The following VPS13B variants were observed in gnomAD, a reference collection of about 807,000 sequenced individuals.
VPS13B encodes intermembrane lipid transfer protein VPS13B.
VPS13B carries 285 observed loss-of-function variants against 426.4 expected under a neutral mutation model. The observed-to-expected ratio is 0.67, with a 90% CI of 0.61 to 0.74. The LOEUF (loss-of-function observed/expected upper bound fraction) is 0.74. Among genes scored for constraint, VPS13B ranks in the 30% least tolerant of loss-of-function variants. VPS13B has a pLI of 0.00. For synonymous variants in VPS13B, 1,676 were observed against 1,676.4 expected (o/e 1.00, Z 0.01); for missense variants, 4,537 against 4,782.6 (o/e 0.95, Z 1.51).
chr8:99,411,786 C>T (rs1374632524), intron 21 of VPS13B, among the ~76,000 whole-genome samples: 3 of 152,122 alleles, frequency 2.0e-5, no homozygotes, highest in South Asian at 2.1e-4. Context: ...TATGGCTAGC[C>T]AGTTTTCCCA....
At chr8:99,430,024 CT>C (rs1390218768) in intron 21 of VPS13B, among the ~76,000 whole-genome samples, 3 of 152,256 alleles carry the variant, frequency 2.0e-5, no homozygotes, top group Admixed American at 6.6e-5. Flanking sequence ...ATACCTTTAA[CT>C]TCAGACATTC....
chr8:99,128,718 A>T (rs1809583269), intron 8 of VPS13B, among the ~76,000 whole-genome samples: 1 of 144,356 alleles, frequency 6.9e-6, no homozygotes, highest in Non-Finnish European at 1.6e-5. Context: ...AACTTGTTAC[A>T]TTGTGGGGTT....
chr8:99,068,357 G>C (rs540656543), intron 3 of VPS13B, among the ~76,000 whole-genome samples: 4 of 152,292 alleles, frequency 2.6e-5, no homozygotes, highest in African/African-American at 4.8e-5. Context: ...GCATTTATAA[G>C]TTGTGTAGTT....
At chr8:99,147,371 C>CA (rs1810794817) in intron 13 of VPS13B, among the ~76,000 whole-genome samples, 1 of 152,134 alleles carries the variant, frequency 6.6e-6, no homozygotes, top group Non-Finnish European at 1.5e-5. Context: ...CTCAGCCTCC[C>CA]AAAGTGCTGG....
In VPS13B at chr8:99,756,281, T is replaced by A. The variant is rs982796934; in HGVS notation, c.7051-10493T>A. On this transcript the variant is annotated intron_variant, in intron 39 of 61. Transcript: ENST00000357162. ...AAGAATGAATCAGTGAGCTTGAAGTTAGGTTGTTTTGAGATTATTGAGTCT... is the reference window on the plus strand; with the variant it reads ...AAGAATGAATCAGTGAGCTTGAAGTAAGGTTGTTTTGAGATTATTGAGTCT... Among the ~76,000 whole-genome samples the A allele has an allele frequency of 7.2e-5, 11 of 152,310 alleles. No individual in the cohort carries two copies. In the East Asian group the frequency reaches 7.7e-4, roughly 11 times the overall value.
At chr8:99,506,589 G>A (rs1821510950) in intron 27 of VPS13B, among the ~76,000 whole-genome samples, 1 of 152,230 alleles carries the variant, frequency 6.6e-6, no homozygotes, top group African/African-American at 2.4e-5. Context: ...CTGGCATGGT[G>A]GCTCACACCT....
chr8:99,292,691 T>C (rs906428088), intron 19 of VPS13B, among the ~76,000 whole-genome samples: 6 of 152,122 alleles, frequency 3.9e-5, no homozygotes, highest in Non-Finnish European at 5.9e-5. Flanking sequence ...TAGCAAATAA[T>C]TTAGATATCA....
At chr8:99,856,187 A>G (rs1816535842) in intron 56 of VPS13B, among the ~76,000 whole-genome samples, 1 of 152,248 alleles carries the variant, frequency 6.6e-6, no homozygotes, top group Non-Finnish European at 1.5e-5. Flanking sequence ...TGAATTTTAT[A>G]GAATTCACCC....
chr8:99,699,480 A>T (rs1159393035), intron 35 of VPS13B, 45 bp from the exon 36 acceptor site: 1 of 1,599,166 alleles, frequency 6.3e-7, no homozygotes, highest in Non-Finnish European at 8.5e-7. Context: ...GCTTGTATTC[A>T]GTAAGAAAGC....
At chr8:99,471,360 A>G (rs1363782784) in intron 24 of VPS13B, among the ~76,000 whole-genome samples, 3 of 152,138 alleles carry the variant, frequency 2.0e-5, no homozygotes, top group Non-Finnish European at 4.4e-5. Flanking sequence ...CAACTATAGC[A>G]TTAAGGCTAG....
intron 14 of VPS13B, among the ~76,000 whole-genome samples, chr8:99,150,442 A>G (rs1811008177): frequency 6.6e-6 from 1 of 152,170 alleles, no homozygotes; most frequent in African/African-American, 2.4e-5. Flanking sequence ...TTGGTGTTTT[A>G]TGTTCTATGA....
At chr8:99,501,978 C>CT (rs1821272303) in intron 26 of VPS13B, 120 bp downstream of exon 26, 1 of 1,132,918 alleles carries the variant, frequency 8.8e-7, no homozygotes, top group Non-Finnish European at 1.2e-6. Context: ...TCTGTCTTTC[C>CT]GTCTGTCTGT....
chr8:99,846,436 C>T (rs1394062285), intron 54 of VPS13B, among the ~76,000 whole-genome samples: 1 of 152,202 alleles, frequency 6.6e-6, no homozygotes, highest in African/African-American at 2.4e-5. Flanking sequence ...ATTGTTCAAA[C>T]CATTAGACCA....
At chr8:99,198,150 A>T (rs1433436345) in intron 17 of VPS13B, among the ~76,000 whole-genome samples, 1 of 152,064 alleles carries the variant, frequency 6.6e-6, no homozygotes, top group Non-Finnish European at 1.5e-5. Context: ...TTTTATATGG[A>T]TTTACTATTC....
At chr8:99,824,892 G>A (rs1161121533) in intron 51 of VPS13B, among the ~76,000 whole-genome samples, 1 of 152,102 alleles carries the variant, frequency 6.6e-6, no homozygotes, top group Non-Finnish European at 1.5e-5. Context: ...CCATGTCCCT[G>A]AAAAGGACAT....
chr8:99,490,806 G>A (rs1012833344), intron 25 of VPS13B, among the ~76,000 whole-genome samples: 1 of 151,674 alleles, frequency 6.6e-6, no homozygotes, highest in African/African-American at 2.4e-5. Flanking sequence ...TTCTTTATTA[G>A]TCTTGCTAGT....
intron 41 of VPS13B, 102 bp downstream of exon 41, chr8:99,777,058 C>A (rs1811776830): frequency 6.9e-7 from 1 of 1,443,076 alleles, no homozygotes; most frequent in Non-Finnish European, 9.7e-7. Flanking sequence ...AATGTATTTT[C>A]AGGAAGTATA....
chr8:99,446,618 T>C (rs2133450093), intron 23 of VPS13B, among the ~76,000 whole-genome samples: 1 of 152,300 alleles, frequency 6.6e-6, no homozygotes, highest in South Asian at 2.1e-4. Context: ...TGCATTCCAG[T>C]TAATTTCTTT....
intron 17 of VPS13B, among the ~76,000 whole-genome samples, chr8:99,197,384 A>G (rs1390769950): frequency 1.3e-5 from 2 of 152,150 alleles, no homozygotes; most frequent in Non-Finnish European, 2.9e-5. Flanking sequence ...AGAGTTTGAG[A>G]AGTGATCAAT....
Sources: allele counts gnomAD v4.1 joint callset (sites outside exome capture counted in the v4.1 genomes callset), GRCh38; gene constraint gnomAD v4.1.1; transcripts MANE v1.5; gene names NCBI Gene and HGNC (gene_info 2026-07-23, HGNC 2026-07-21).